Variants in FRMPD2 observed in about 807,000 individuals in gnomAD.
FRMPD2 encodes the protein FERM and PDZ domain containing 2.
FRMPD2 carries 96 observed loss-of-function variants against 140.1 expected under a neutral mutation model. The observed-to-expected ratio is 0.69, with a 90% confidence interval of 0.58 to 0.81. FRMPD2 has a LOEUF of 0.81. Among genes scored for constraint, FRMPD2 ranks in the 40% least tolerant of loss-of-function variants. The pLI is 0.00. For synonymous variants in FRMPD2, 449 were observed against 547.6 expected (o/e 0.82, Z 2.52); for missense variants, 1,240 against 1,447.4 (o/e 0.86, Z 2.32).
intron 8 of FRMPD2, 91 bp downstream of exon 8, chr10:48,237,900 G>A: frequency 1.4e-6 from 2 of 1,472,374 alleles, no homozygotes; most frequent in Non-Finnish European, 1.9e-6. Context: ...TCCCCTAGAA[G>A]ACCCTGCCCA....
chr10:48,221,651 G>A (rs1296225149), intron 12 of FRMPD2, among the ~76,000 whole-genome samples: 1 of 152,178 alleles, frequency 6.6e-6, no homozygotes, highest in Non-Finnish European at 1.5e-5. Context: ...TGATGATGGT[G>A]ATTATGATAG....
intron 12 of FRMPD2, among the ~76,000 whole-genome samples, chr10:48,216,082 G>A (rs533947219): frequency 9.2e-5 from 14 of 152,282 alleles, no homozygotes; most frequent in Admixed American, 3.3e-4. Flanking sequence ...TTCTTCTCTT[G>A]CCTTTGGATT....
chr10:48,265,722 C>T (rs1411957661), intron 1 of FRMPD2, among the ~76,000 whole-genome samples: 1 of 152,048 alleles, frequency 6.6e-6, no homozygotes, highest in Non-Finnish European at 1.5e-5. Context: ...ATAACAGATG[C>T]TGGTGAGGTT....
At chr10:48,240,075 CTTG>C (rs1217381951) in intron 6 of FRMPD2, among the ~76,000 whole-genome samples, 8 of 152,082 alleles carry the variant, frequency 5.3e-5, no homozygotes, top group Non-Finnish European at 1.2e-4. Context: ...TTTTTCTTTT[CTTG>C]TTGTTTGTTT....
chr10:48,201,010 A>G (rs535008149), intron 15 of FRMPD2, among the ~76,000 whole-genome samples: 1 of 152,336 alleles, frequency 6.6e-6, no homozygotes, highest in African/African-American at 2.4e-5. Flanking sequence ...TGCACTCTGA[A>G]AAGATCATAT....
At chr10:48,219,788 T>A (rs1839537224) in intron 12 of FRMPD2, among the ~76,000 whole-genome samples, 2 of 152,214 alleles carry the variant, frequency 1.3e-5, no homozygotes. Flanking sequence ...CAGAGGACTA[T>A]CATTGGCAGT....
chr10:48,260,954 A>T (rs1307893407), intron 1 of FRMPD2, among the ~76,000 whole-genome samples: 1 of 152,206 alleles, frequency 6.6e-6, no homozygotes, highest in Non-Finnish European at 1.5e-5. Context: ...AAATTCTAAA[A>T]ATAGAAAATT....
chr10:48,191,926 G>T (rs1373349249), intron 16 of FRMPD2, among the ~76,000 whole-genome samples: 1 of 152,184 alleles, frequency 6.6e-6, no homozygotes, highest in Non-Finnish European at 1.5e-5. Context: ...AAGGCCAGCT[G>T]CTTGTGTTCA....
intron 10 of FRMPD2, among the ~76,000 whole-genome samples, chr10:48,230,932 G>C (rs185475965): frequency 1.2e-4 from 18 of 152,290 alleles, no homozygotes; most frequent in African/African-American, 4.3e-4. Context: ...CTAGTGCTTC[G>C]AAATGACAAC....
chr10:48,265,327 T>C (rs904838395), intron 1 of FRMPD2, among the ~76,000 whole-genome samples: 8 of 152,036 alleles, frequency 5.3e-5, no homozygotes, highest in Non-Finnish European at 1.0e-4. Context: ...ATTACGATGA[T>C]GTCAAAAGCA....
chr10:48,168,040 A>G (rs1333170557), intron 27 of FRMPD2, among the ~76,000 whole-genome samples: 3 of 145,282 alleles, frequency 2.1e-5, no homozygotes, highest in Non-Finnish European at 4.4e-5. Context: ...TCTTTCTCTC[A>G]CTCTCTTCAT....
chr10:48,266,215 G>A (rs1358924127), intron 1 of FRMPD2, among the ~76,000 whole-genome samples: 1 of 152,120 alleles, frequency 6.6e-6, no homozygotes, highest in Non-Finnish European at 1.5e-5. Flanking sequence ...GGTCCTACTT[G>A]AGGATGAAGA....
At chr10:48,228,557 G>T (rs1388929699) in intron 10 of FRMPD2, among the ~76,000 whole-genome samples, 2 of 151,912 alleles carry the variant, frequency 1.3e-5, no homozygotes, top group African/African-American at 2.4e-5. Flanking sequence ...GAAAAAATGT[G>T]CTATGAGGAA....
rs58336071 is a variant in FRMPD2 at position 48,245,306 on chromosome 10, G to A, written c.310-457C>T. Reference sequence around the variant, plus strand: ...GCCTGGATCCTTGATGACATGAAACGGCTGCTGACCAATCCCTAGACCTCT... The same window carrying A: ...GCCTGGATCCTTGATGACATGAAACAGCTGCTGACCAATCCCTAGACCTCT... On this transcript the variant is annotated intron_variant, in intron 3 of 28. Coordinates refer to ENST00000374201, the MANE Select transcript of FRMPD2 (RefSeq NM_001018071.4). Among the ~76,000 whole-genome samples, 863 of 152,282 alleles carry A rather than the reference G, an allele frequency of 5.7e-3. 12 individuals carry two copies. The highest frequency in any genetic ancestry group is 0.02 in the African/African-American group (821 of 41,548).
At chr10:48,188,140 G>A (rs1419886279) in intron 16 of FRMPD2, among the ~76,000 whole-genome samples, 1 of 152,140 alleles carries the variant, frequency 6.6e-6, no homozygotes, top group African/African-American at 2.4e-5. Flanking sequence ...CGCTTCCCTG[G>A]TTACCCAGAC....
At chr10:48,250,679 A>G (rs907328835) in intron 2 of FRMPD2, among the ~76,000 whole-genome samples, 1 of 151,888 alleles carries the variant, frequency 6.6e-6, no homozygotes, top group African/African-American at 2.4e-5. Flanking sequence ...AAGTGCTGGG[A>G]TTACATGAGT....
At chr10:48,223,541 G>C (rs1054678135) in intron 10 of FRMPD2, among the ~76,000 whole-genome samples, 4 of 152,170 alleles carry the variant, frequency 2.6e-5, no homozygotes, top group Non-Finnish European at 4.4e-5. Context: ...ACAAGATGTC[G>C]CTTAATATCT....
In FRMPD2 at chr10:48,178,136, A is replaced by C. The variant is rs1391867444; in HGVS notation, c.2806T>G (p.Cys936Gly). The C allele has an allele frequency of 6.9e-5, 106 of 1,535,118 alleles. No homozygotes were observed. The highest frequency in any genetic ancestry group is 8.8e-5 in the Non-Finnish European group (98 of 1,111,010). ...CTGATTTCTGGAGGTGATGGAGGAC[A>C]AGAAGAACCAGCACCCTGCCATAAA... ...FLPLKGAGSS[C>G]PPSPPEISAG... is the part of the protein sequence containing the mutation. Residue 936 changes from cysteine (C) to glycine (G), a missense_variant, in exon 22 of 29, where the codon TGT becomes GGT. By Grantham distance (159) the Cys-to-Gly change is radical. This residue lies in a region of FRMPD2 where 25 missense variants were observed against 41.5 expected (regional missense o/e 0.60). Coordinates refer to ENST00000374201, the MANE Select transcript of FRMPD2 (RefSeq NM_001018071.4).
Position 48,163,647 on chromosome 10 carries a change from C to G in FRMPD2, c.3562G>C (p.Glu1188Gln). The G allele has an allele frequency of 6.7e-7, 1 of 1,482,830 alleles. No homozygotes were observed. The highest frequency in any genetic ancestry group is 2.3e-5 in the East Asian group (1 of 44,204). 91.9% of individuals were successfully genotyped at this position (1,482,830 alleles called of 1,614,324 possible). ...WQTPELSADKEFTRATCTDSC... is the reference protein window; with the variant it reads ...WQTPELSADKQFTRATCTDSC... The stretch of plus-strand genomic sequence containing the variant: ...TCAGTACATGTTGCCCTGGTGAATT[C>G]TTTGTCAGCTGAGAGTTCAGGTGTC... The change falls in exon 28 of 29, where the codon GAA (glutamate) becomes CAA (glutamine). Residue 1188 changes from glutamate (E) to glutamine (Q), a missense_variant. Glu to Gln is a conservative substitution (Grantham distance 29, BLOSUM62 2). This residue lies in a region of FRMPD2 where 30 missense variants were observed against 227.5 expected (regional missense o/e 0.13). Coordinates refer to ENST00000374201, the MANE Select transcript of FRMPD2 (RefSeq NM_001018071.4).
Sources: allele counts gnomAD v4.1 joint callset (sites outside exome capture counted in the v4.1 genomes callset), GRCh38; gene constraint gnomAD v4.1.1; regional missense constraint gnomAD v4.1.1; transcripts MANE v1.5; gene names NCBI Gene and HGNC (gene_info 2026-07-23, HGNC 2026-07-21).